PTPN2: variants seen among roughly 807,000 people sequenced by gnomAD.
The protein encoded by PTPN2 is tyrosine-protein phosphatase non-receptor type 2.
PTPN2 carries 19 observed loss-of-function variants against 57.3 expected under a neutral mutation model. The ratio of observed to expected loss-of-function variants is 0.33; its 90% CI spans 0.23 to 0.49. The LOEUF (loss-of-function observed/expected upper bound fraction) is 0.49, where lower values mean the gene tolerates loss of function less well. Ranked by LOEUF, PTPN2 falls within the 20% of genes least tolerant of loss-of-function variation. The pLI is 0.99. For synonymous variants in PTPN2, 153 were observed against 164.9 expected (o/e 0.93, Z 0.55); for missense variants, 358 against 501.1 (o/e 0.71, Z 2.73).
intron 1 of PTPN2, among the ~76,000 whole-genome samples, chr18:12,874,531 G>A: frequency 1.1e-5 from 1 of 92,094 alleles, no homozygotes; most frequent in African/African-American, 3.8e-5. Flanking sequence ...CCGGGAGGAA[G>A]GTGGGGGGGG....
intron 1 of PTPN2, among the ~76,000 whole-genome samples, chr18:12,873,223 G>GAA (rs1304947911): frequency 1.6e-5 from 2 of 126,686 alleles, no homozygotes; most frequent in Non-Finnish European, 3.4e-5. Flanking sequence ...TCCGTCTCAA[G>GAA]AAAAAAAAAA....
intron 4 of PTPN2, 52 bp downstream of exon 4, chr18:12,830,891 T>C (rs1413565974): frequency 4.2e-5 from 57 of 1,349,202 alleles, no homozygotes; most frequent in South Asian, 1.1e-4. Flanking sequence ...AATCTTTATA[T>C]GCTAATGATC....
chr18:12,796,660 T>C (rs1188443288), intron 8 of PTPN2, among the ~76,000 whole-genome samples: 2 of 152,312 alleles, frequency 1.3e-5, no homozygotes, highest in East Asian at 3.9e-4. Context: ...AGAACACATG[T>C]CCATGCAAAC....
At chr18:12,801,283 C>T (rs1182175180) in intron 8 of PTPN2, among the ~76,000 whole-genome samples, 2 of 151,966 alleles carry the variant, frequency 1.3e-5, no homozygotes, top group Non-Finnish European at 2.9e-5. Context: ...GAGGCTGAGG[C>T]GGGTGGATGA....
At chr18:12,870,051 TTCTTTGAGAAGCTC>T (rs1290125294) in intron 1 of PTPN2, among the ~76,000 whole-genome samples, 2 of 151,546 alleles carry the variant, frequency 1.3e-5, no homozygotes, top group African/African-American at 4.9e-5. Context: ...ACATTTTTTT[TTCTTTGAGAAGCTC>T]TCTTTGAGGA....
chr18:12,799,757 T>A lies in PTPN2; in HGVS notation c.1040+2213A>T, dbSNP rs906733397. The stretch of plus-strand genomic sequence containing the variant: ...CTCTTTAATTTTTGTATTTTAAAAT[T>A]CGTATGTCCAAGTTGTTTCTCACTC... On this transcript the variant is annotated intron_variant, in intron 8 of 8. Coordinates refer to ENST00000309660, the MANE Select transcript of PTPN2 (RefSeq NM_002828.4). Among the ~76,000 whole-genome samples, 37 of 151,982 alleles carry A rather than the reference T, an allele frequency of 2.4e-4. 1 individual carries two copies. Among genetic ancestry groups the A allele is most frequent in the Admixed American group, 1.3e-4 (2 of 15,244 alleles).
At chr18:12,795,003 C>CT (rs1220717902) in intron 8 of PTPN2, among the ~76,000 whole-genome samples, 1 of 152,150 alleles carries the variant, frequency 6.6e-6, no homozygotes, top group Non-Finnish European at 1.5e-5. Context: ...TTGATAACTG[C>CT]TTTTAGTGGG....
In PTPN2 at chr18:12,793,340, AATC is replaced by A; in HGVS notation, c.*935_*937del. 1 of 976,096 alleles carries A rather than the reference AATC, an allele frequency of 1.0e-6. No individual in the cohort carries two copies. 60.5% of individuals were successfully genotyped at this position (976,096 alleles called of 1,614,324 possible). The stretch of plus-strand genomic sequence containing the variant: ...TTCAGTCTAGTAAACTGAAATTATG[AATC>A]ATAAAATGCTGCTTCTTACTTTTGC... On this transcript the variant is annotated 3_prime_UTR_variant, in exon 9 of 9. Coordinates refer to ENST00000309660, the MANE Select transcript of PTPN2 (RefSeq NM_002828.4).
intron 1 of PTPN2, among the ~76,000 whole-genome samples, chr18:12,878,776 G>GT (rs1392953870): frequency 6.6e-6 from 1 of 152,138 alleles, no homozygotes; most frequent in African/African-American, 2.4e-5. Flanking sequence ...GAGCCCAGGA[G>GT]TTTAAGGTTG....
chr18:12,820,375 G>A (rs1437312918), intron 5 of PTPN2, among the ~76,000 whole-genome samples: 2 of 151,716 alleles, frequency 1.3e-5, no homozygotes, highest in African/African-American at 4.8e-5. Context: ...CAGTTACAAA[G>A]GACCACACGA....
chr18:12,800,780 T>C (rs887826164), intron 8 of PTPN2, among the ~76,000 whole-genome samples: 1 of 152,182 alleles, frequency 6.6e-6, no homozygotes. Context: ...AGAAAAGTTA[T>C]TCAGAGATGC....
At chr18:12,817,880 C>T (rs922056967) in intron 5 of PTPN2, among the ~76,000 whole-genome samples, 18 of 152,284 alleles carry the variant, frequency 1.2e-4, no homozygotes, top group African/African-American at 3.6e-4. Flanking sequence ...ATGGCTCATG[C>T]CTGTAATCCC....
At chr18:12,796,509 C>CT (rs1470173244) in intron 8 of PTPN2, among the ~76,000 whole-genome samples, 1 of 152,148 alleles carries the variant, frequency 6.6e-6, no homozygotes, top group Non-Finnish European at 1.5e-5. Context: ...CTGGAACCTT[C>CT]TCTCCCCAAG....
intron 4 of PTPN2, among the ~76,000 whole-genome samples, chr18:12,829,277 AG>A (rs2042584574): frequency 6.6e-6 from 1 of 152,108 alleles, no homozygotes; most frequent in Non-Finnish European, 1.5e-5. Flanking sequence ...GCACTTTGGG[AG>A]GCCGAGGTGG....
chr18:12,841,081 G>A (rs754813114), intron 2 of PTPN2: 199 of 1,008,988 alleles, frequency 2.0e-4, no homozygotes, highest in Non-Finnish European at 2.4e-4. Flanking sequence ...ATATTAAGCC[G>A]TGACTCTGAG....
intron 1 of PTPN2, among the ~76,000 whole-genome samples, chr18:12,864,781 T>G (rs1271556618): frequency 6.6e-6 from 1 of 152,188 alleles, no homozygotes; most frequent in East Asian, 1.9e-4. Context: ...TAATCCCTCT[T>G]GAAATTTGCT....
chr18:12,860,237 C>G (rs2043749828), intron 1 of PTPN2, among the ~76,000 whole-genome samples: 1 of 150,580 alleles, frequency 6.6e-6, no homozygotes, highest in South Asian at 2.1e-4. Context: ...TACAGTGAGC[C>G]AAGATCGTGC....
chr18:12,849,711 A>G (rs952711472), intron 2 of PTPN2, among the ~76,000 whole-genome samples: 2 of 152,172 alleles, frequency 1.3e-5, no homozygotes, highest in Non-Finnish European at 2.9e-5. Flanking sequence ...CTACATCTAT[A>G]TTCACTTGCA....
At chr18:12,836,938 G>T (rs769826926) in intron 2 of PTPN2, 47 bp from the exon 3 acceptor site, 17 of 1,138,852 alleles carry the variant, frequency 1.5e-5, no homozygotes, top group African/African-American at 3.1e-5. Flanking sequence ...CAAAATTACT[G>T]TTTTTATCTT....
Sources: allele counts gnomAD v4.1 joint callset (sites outside exome capture counted in the v4.1 genomes callset), GRCh38; gene constraint gnomAD v4.1.1; transcripts MANE v1.5; gene names NCBI Gene and HGNC (gene_info 2026-07-23, HGNC 2026-07-21).